Variants in RAB10 observed in about 807,000 individuals in gnomAD.
The protein encoded by RAB10 is RAB10, member RAS oncogene family.
RAB10 carries 5 observed loss-of-function variants against 25.7 expected under a neutral mutation model. The observed-to-expected ratio is 0.19, with a 90% CI of 0.10 to 0.41. RAB10 has a LOEUF of 0.41. RAB10 is among the 10% of genes least tolerant of loss of function. RAB10 has a pLI of 1.00. For missense variants in RAB10, 103 were observed against 245.8 expected, an observed-to-expected ratio of 0.42 and a Z score of 3.89; for synonymous variants, 89 against 86.4, an observed-to-expected ratio of 1.03 and a Z score of -0.16.
chr2:26,124,385 GTTGCTTTTTTT>G (rs1223794163), intron 3 of RAB10, among the ~76,000 whole-genome samples: 1 of 22,824 alleles, frequency 4.4e-5, no homozygotes, highest in Non-Finnish European at 9.1e-5. Flanking sequence ...TATTGTTGTT[GTTGCTTTTTTT>G]TTTTTTTTTT....
At chr2:26,107,376 A>G (rs948651593) in intron 2 of RAB10, among the ~76,000 whole-genome samples, 12 of 152,214 alleles carry the variant, frequency 7.9e-5, no homozygotes, top group African/African-American at 2.9e-4. Flanking sequence ...TCTCTACAAA[A>G]TACCCTGTCA....
intron 1 of RAB10, among the ~76,000 whole-genome samples, chr2:26,039,704 G>A (rs574990767): frequency 3.3e-5 from 5 of 151,722 alleles, no homozygotes; most frequent in South Asian, 2.1e-4. Flanking sequence ...TTACTTTATT[G>A]TGTGATCAAG....
intron 1 of RAB10, among the ~76,000 whole-genome samples, chr2:26,041,625 G>C (rs1665888556): frequency 6.6e-6 from 1 of 151,872 alleles, no homozygotes; most frequent in Admixed American, 6.6e-5. Flanking sequence ...AAAGGTTGGG[G>C]CTGGGTTTGG....
chr2:26,082,242 A>C (rs2149274103), intron 1 of RAB10, among the ~76,000 whole-genome samples: 1 of 152,244 alleles, frequency 6.6e-6, no homozygotes, highest in South Asian at 2.1e-4. Context: ...TATTATGTTA[A>C]AAGTGGTATA....
chr2:26,105,608 T>C (rs1667450789), intron 2 of RAB10, among the ~76,000 whole-genome samples: 1 of 152,098 alleles, frequency 6.6e-6, no homozygotes, highest in African/African-American at 2.4e-5. Context: ...TATGCCGAGA[T>C]TGTGCCACTG....
chr2:26,067,580 A>G (rs977111047), intron 1 of RAB10, among the ~76,000 whole-genome samples: 1 of 152,156 alleles, frequency 6.6e-6, no homozygotes, highest in Non-Finnish European at 1.5e-5. Flanking sequence ...TGAAGGAGGG[A>G]GTTAGCTGCC....
At chr2:26,057,713 C>T (rs900249648) in intron 1 of RAB10, among the ~76,000 whole-genome samples, 4 of 152,076 alleles carry the variant, frequency 2.6e-5, no homozygotes, top group African/African-American at 4.8e-5. Flanking sequence ...ACCTTCATCT[C>T]CCGAGTTCAA....
At chr2:26,123,107 A>G (rs190842894) in intron 3 of RAB10, among the ~76,000 whole-genome samples, 24 of 152,316 alleles carry the variant, frequency 1.6e-4, no homozygotes, top group East Asian at 1.9e-4. Context: ...TGATCATTCA[A>G]CAAGAAGACC....
chr2:26,095,658 C>T (rs1049342581), intron 1 of RAB10, among the ~76,000 whole-genome samples: 9 of 151,602 alleles, frequency 5.9e-5, no homozygotes, highest in African/African-American at 2.2e-4. Context: ...CGCCCGTAAT[C>T]CTGACATCTT....
intron 3 of RAB10, among the ~76,000 whole-genome samples, chr2:26,113,581 A>AT (rs397809076): frequency 6.6e-6 from 1 of 151,320 alleles, no homozygotes; most frequent in Non-Finnish European, 1.5e-5. Context: ...CTCAAAAAAA[A>AT]GTCAACAAAC....
chr2:26,058,475 C>G (rs1666314944), intron 1 of RAB10, among the ~76,000 whole-genome samples: 1 of 151,934 alleles, frequency 6.6e-6, no homozygotes, highest in African/African-American at 2.4e-5. Context: ...GCTGCTCACT[C>G]TGGCCTGGAA....
intron 1 of RAB10, among the ~76,000 whole-genome samples, chr2:26,035,832 A>T (rs542444554): frequency 1.1e-3 from 165 of 152,340 alleles, no homozygotes; most frequent in African/African-American, 3.9e-3. Flanking sequence ...TGTATAGCGT[A>T]ACTGAAATAT....
intron 3 of RAB10, among the ~76,000 whole-genome samples, chr2:26,120,769 T>C (rs1201226817): frequency 6.6e-6 from 1 of 152,064 alleles, no homozygotes; most frequent in Non-Finnish European, 1.5e-5. Context: ...TTTTTGTATT[T>C]TTAGTAGACA....
chr2:26,054,345 C>T (rs554599280), intron 1 of RAB10, among the ~76,000 whole-genome samples: 95 of 151,810 alleles, frequency 6.3e-4, no homozygotes, highest in Non-Finnish European at 1.1e-3. Context: ...TGAGCCACCG[C>T]GCCCGGCCTA....
rs559687056 is a variant in RAB10, at chr2:26,038,903, C to G, written c.127+4168C>G. Among the ~76,000 whole-genome samples the G allele has an allele frequency of 4.7e-4, 55 of 117,848 alleles. 2 individuals carry two copies. In the South Asian group the frequency reaches 0.015, roughly 33 times the overall value. The allele number at this position is 117,848 out of a possible 152,430, so 77.3% of individuals were successfully genotyped here. A position where few individuals can be genotyped will look rare whatever the true frequency, so the allele number is the denominator to read the frequency against. On this transcript the variant is annotated intron_variant, in intron 1 of 5. Transcript: ENST00000264710. The stretch of plus-strand genomic sequence containing the variant: ...TCGCACTACTGCACTTCAGCCTGGG[C>G]AACAGAGCGAGACTCTGTCTCAAAA...
At chr2:26,109,086 A>T (rs552700230) in intron 2 of RAB10, among the ~76,000 whole-genome samples, 1 of 151,512 alleles carries the variant, frequency 6.6e-6, no homozygotes, top group South Asian at 2.1e-4. Flanking sequence ...TAATTTTTGT[A>T]TTTTTAGTAG....
At chr2:26,075,359 G>A (rs887887247) in intron 1 of RAB10, among the ~76,000 whole-genome samples, 1 of 151,986 alleles carries the variant, frequency 6.6e-6, no homozygotes, top group Non-Finnish European at 1.5e-5. Context: ...ATTAAGTCAT[G>A]TATTGCCCGA....
chr2:26,088,885 A>G (rs1667044452), intron 1 of RAB10, among the ~76,000 whole-genome samples: 1 of 151,168 alleles, frequency 6.6e-6, no homozygotes, highest in African/African-American at 2.4e-5. Flanking sequence ...GGCCTCCCAA[A>G]GTGCTGGGAT....
At chr2:26,036,724 G>A (rs141634888) in intron 1 of RAB10, among the ~76,000 whole-genome samples, 153 of 152,146 alleles carry the variant, frequency 1.0e-3, no homozygotes, top group African/African-American at 3.5e-3. Flanking sequence ...GTAGGATAGG[G>A]CCTTTCTGGA....
Sources: gnomAD v4.1 joint callset for allele counts (sites outside exome capture counted in the v4.1 genomes callset) on GRCh38, gnomAD v4.1.1 for gene constraint, MANE v1.5 for transcripts, NCBI Gene and HGNC (gene_info 2026-07-23, HGNC 2026-07-21) for gene names.